Variants in SRGAP1 observed in about 807,000 individuals in gnomAD.
SRGAP1 encodes the protein SLIT-ROBO Rho GTPase activating protein 1.
In SRGAP1, 43 loss-of-function variants were observed where a neutral mutation model predicts 121.9. The observed-to-expected ratio is 0.35, with a 90% confidence interval of 0.28 to 0.46. The LOEUF is 0.46. SRGAP1 is among the 20% of genes least tolerant of loss of function. The probability of loss-of-function intolerance (pLI) is 1.00; values close to 1 mark genes in which losing one functional copy is unlikely to be tolerated. For missense variants in SRGAP1, 1,102 were observed against 1,350.9 expected (o/e 0.82, Z 2.89); for synonymous variants, 447 against 485.4 (o/e 0.92, Z 1.04).
At chr12:64,102,886 G>A (rs556502345) in intron 15 of SRGAP1, among the ~76,000 whole-genome samples, 2 of 152,280 alleles carry the variant, frequency 1.3e-5, no homozygotes, top group South Asian at 2.1e-4. Flanking sequence ...TAAAATGATT[G>A]AGGTGATCTT....
intron 1 of SRGAP1, among the ~76,000 whole-genome samples, chr12:63,907,494 C>T (rs1267518528): frequency 2.0e-5 from 3 of 151,572 alleles, no homozygotes; most frequent in South Asian, 2.1e-4. Flanking sequence ...GCTGAGATCA[C>T]GCCATTGCAC....
intron 1 of SRGAP1, among the ~76,000 whole-genome samples, chr12:63,981,690 C>T (rs1483142967): frequency 6.6e-6 from 1 of 152,148 alleles, no homozygotes; most frequent in Non-Finnish European, 1.5e-5. Flanking sequence ...GTTCAGCACA[C>T]GTCTGTGAAG....
intron 6 of SRGAP1, among the ~76,000 whole-genome samples, chr12:64,044,240 C>A (rs2035080773): frequency 6.6e-6 from 1 of 152,124 alleles, no homozygotes. Flanking sequence ...ATTATTAATT[C>A]ATCCTTTCAT....
In SRGAP1 at chr12:64,017,153, G is replaced by T. The variant is rs540761172; in HGVS notation, c.489+141G>T. ...CTTGAAATACAGGAACAAGGGATAG[G>T]TATACACAGCTACATTCCTTCGCCA... On this transcript the variant is annotated intron_variant, in intron 4 of 21. Coordinates refer to ENST00000355086, the MANE Select transcript of SRGAP1 (RefSeq NM_020762.4). 1.3e-5 allele frequency: 7 copies of T among 529,072 alleles called. No individual in the cohort carries two copies. In the South Asian group the frequency reaches 2.6e-4, roughly 19 times the overall value. The allele number at this position is 529,072 out of a possible 1,614,324, so 32.8% of individuals were successfully genotyped here.
At chr12:63,938,151 T>C (rs144657203) in intron 1 of SRGAP1, among the ~76,000 whole-genome samples, 3 of 152,290 alleles carry the variant, frequency 2.0e-5, no homozygotes, top group African/African-American at 4.8e-5. Context: ...GCAAGGGAGA[T>C]GCACAGGAGA....
At chr12:63,973,576 A>T (rs2033016886) in intron 1 of SRGAP1, among the ~76,000 whole-genome samples, 1 of 152,194 alleles carries the variant, frequency 6.6e-6, no homozygotes, top group South Asian at 2.1e-4. Context: ...AAATCAATAA[A>T]TATTCTTTTA....
At chr12:63,920,071 C>G (rs897265116) in intron 1 of SRGAP1, among the ~76,000 whole-genome samples, 1 of 152,204 alleles carries the variant, frequency 6.6e-6, no homozygotes, top group Non-Finnish European at 1.5e-5. Flanking sequence ...TCACATGATA[C>G]GACTGCATTG....
intron 3 of SRGAP1, among the ~76,000 whole-genome samples, chr12:64,012,174 G>A (rs775477755): frequency 4.6e-5 from 7 of 152,182 alleles, no homozygotes; most frequent in Non-Finnish European, 8.8e-5. Context: ...TAAAAACTTT[G>A]AGACTGTTCA....
chr12:63,956,150 A>G (rs535465393), intron 1 of SRGAP1, among the ~76,000 whole-genome samples: 3 of 152,276 alleles, frequency 2.0e-5, no homozygotes, highest in South Asian at 2.1e-4. Flanking sequence ...GACTACAGAC[A>G]TGCACCTCCA....
chr12:63,885,010 G>C (rs970461303), intron 1 of SRGAP1, among the ~76,000 whole-genome samples: 7 of 151,894 alleles, frequency 4.6e-5, no homozygotes. Context: ...GTGAGCCACC[G>C]CACCCACCAT....
chr12:63,866,834 G>A (rs7971621), intron 1 of SRGAP1, among the ~76,000 whole-genome samples: 147,221 of 151,588 alleles, frequency 0.97, 71,528 homozygotes, highest in Middle Eastern at 1. Flanking sequence ...CCAGTCTCTG[G>A]GGAGATAAGG....
At chr12:63,937,187 A>G (rs978996645) in intron 1 of SRGAP1, among the ~76,000 whole-genome samples, 5 of 152,208 alleles carry the variant, frequency 3.3e-5, no homozygotes, top group African/African-American at 1.2e-4. Flanking sequence ...AACTGCATCA[A>G]AAAATTAAGT....
At chr12:64,128,240 A>G (rs1327009519) in intron 21 of SRGAP1, 40 bp downstream of exon 21, 4 of 1,528,308 alleles carry the variant, frequency 2.6e-6, no homozygotes, top group African/African-American at 2.7e-5. Context: ...TTAAGTACCT[A>G]AGTGTGATGT....
intron 1 of SRGAP1, among the ~76,000 whole-genome samples, chr12:63,849,175 T>C (rs1898996671): frequency 6.6e-6 from 1 of 152,200 alleles, no homozygotes; most frequent in South Asian, 2.1e-4. Context: ...TCTGGAAAAG[T>C]GTATGAAACC....
At chr12:63,924,424 G>A (rs143379553) in intron 1 of SRGAP1, among the ~76,000 whole-genome samples, 93 of 152,304 alleles carry the variant, frequency 6.1e-4, no homozygotes, top group Admixed American at 5.2e-3. Flanking sequence ...TTAACTTTTT[G>A]TGATTATTCT....
At chr12:64,041,909 T>TATC (rs2035034763) in intron 4 of SRGAP1, among the ~76,000 whole-genome samples, 2 of 129,828 alleles carry the variant, frequency 1.5e-5, no homozygotes, top group Admixed American at 1.6e-4. Flanking sequence ...TTATTATTAT[T>TATC]ATTATTTGAG....
At chr12:63,944,081 G>A (rs770639952) in intron 1 of SRGAP1, among the ~76,000 whole-genome samples, 26 of 152,128 alleles carry the variant, frequency 1.7e-4, no homozygotes, top group Admixed American at 3.9e-4. Context: ...GTCTCATTTG[G>A]TAATGGCCAG....
chr12:64,129,975 G>GGTTGTGGTT (rs2036759006), intron 21 of SRGAP1, among the ~76,000 whole-genome samples: 1 of 151,124 alleles, frequency 6.6e-6, no homozygotes, highest in African/African-American at 2.4e-5. Context: ...AGCAGGTCGT[G>GGTTGTGGTT]GTTGTTGTTG....
At chr12:63,900,080 A>G (rs1356439694) in intron 1 of SRGAP1, among the ~76,000 whole-genome samples, 2 of 152,196 alleles carry the variant, frequency 1.3e-5, no homozygotes, top group Admixed American at 6.5e-5. Flanking sequence ...GATACCTCCA[A>G]TGGACTATTC....
Sources: gnomAD v4.1 joint callset for allele counts (sites outside exome capture counted in the v4.1 genomes callset) on GRCh38, gnomAD v4.1.1 for gene constraint, MANE v1.5 for transcripts, NCBI Gene and HGNC (gene_info 2026-07-23, HGNC 2026-07-21) for gene names.